Variants in CLDN10 observed in about 807,000 individuals in gnomAD.
CLDN10 encodes the protein claudin 10, also known as claudin-10.
CLDN10 carries 15 observed loss-of-function variants against 22.9 expected under a neutral mutation model. That is an observed-to-expected ratio of 0.65 (90% confidence interval 0.44 to 1.01). CLDN10 has a LOEUF of 1.01. Ranked by LOEUF, CLDN10 falls within the 50% of genes least tolerant of loss-of-function variation. CLDN10 has a pLI of 0.00. For missense variants in CLDN10, 247 were observed against 287.8 expected (o/e 0.86, Z 1.03); for synonymous variants, 114 against 111.4 (o/e 1.02, Z -0.15).
chr13:95,487,781 C>T (rs1227790657), intron 1 of CLDN10, among the ~76,000 whole-genome samples: 1 of 147,966 alleles, frequency 6.8e-6, no homozygotes, highest in Non-Finnish European at 1.5e-5. Context: ...TTCAAATGAC[C>T]CTCCCACCTC....
At chr13:95,515,481 A>G (rs1238861905) in intron 1 of CLDN10, among the ~76,000 whole-genome samples, 1 of 152,172 alleles carries the variant, frequency 6.6e-6, no homozygotes, top group Admixed American at 6.5e-5. Context: ...TTTAAGACAG[A>G]AAGATGTTAC....
intron 1 of CLDN10, among the ~76,000 whole-genome samples, chr13:95,544,983 G>A (rs1386530398): frequency 6.6e-6 from 1 of 151,552 alleles, no homozygotes; most frequent in Non-Finnish European, 1.5e-5. Context: ...TCACCGTGTT[G>A]GCCAAGCTGG....
chr13:95,509,291 T>C (rs567370163), intron 1 of CLDN10, among the ~76,000 whole-genome samples: 6 of 152,196 alleles, frequency 3.9e-5, no homozygotes, highest in Non-Finnish European at 8.8e-5. Flanking sequence ...AATAAGAGAC[T>C]GTGAATATGG....
chr13:95,433,873 G>T lies in CLDN10; in HGVS notation c.40G>T (p.Gly14Ter), dbSNP rs2042236887. The stretch of plus-strand genomic sequence containing the variant: ...GATCTGGGCTCTGGTGTCTGGTGTC[G>T]GAGGGTTTGGAGCTCTCGTTGCTGC... Residue 14 changes from glycine (G) to a stop codon, truncating the protein, a stop_gained, in exon 1 of 5, where the codon GGA (glycine) becomes TGA (stop). Transcript: ENST00000376873. LOFTEE classifies it high-confidence loss of function. 6.2e-7 allele frequency: 1 copy of T among 1,614,046 alleles called. No homozygotes were observed. The highest frequency in any genetic ancestry group is 1.1e-5 in the South Asian group (1 of 91,084).
intron 1 of CLDN10, among the ~76,000 whole-genome samples, chr13:95,490,706 A>G (rs541191921): frequency 2.6e-5 from 4 of 152,280 alleles, no homozygotes; most frequent in Admixed American, 2.6e-4. Flanking sequence ...TCTTGGAGAA[A>G]GTTCCATGCT....
chr13:95,565,482 G>A (rs1048160958), intron 3 of CLDN10, among the ~76,000 whole-genome samples: 20 of 151,972 alleles, frequency 1.3e-4, no homozygotes, highest in Non-Finnish European at 2.8e-4. Context: ...CATCCTCTAG[G>A]CTTATTTCCA....
chr13:95,483,833 A>G (rs6492796), intron 1 of CLDN10, among the ~76,000 whole-genome samples: 90,076 of 152,054 alleles, frequency 0.59, 27,907 homozygotes, highest in African/African-American at 0.78. Context: ...GTGTCCCTCC[A>G]AAACTCGTAT....
intron 1 of CLDN10, among the ~76,000 whole-genome samples, chr13:95,532,780 A>G (rs2043357412): frequency 2.8e-5 from 4 of 142,804 alleles, no homozygotes; most frequent in Admixed American, 7.3e-5. Flanking sequence ...CAGATACTGG[A>G]ACTCAATTCA....
At position 95,552,732 on chromosome 13, in the gene CLDN10, G is replaced by T. The variant is rs780592692; in HGVS notation, c.-22G>T. ...CGGCGCAGAGTGGGAGCCGGAGAGC[G>T]AGCGCGGCTGCAGCCGGCGGCATGG... On this transcript the variant is annotated 5_prime_UTR_variant, in exon 1 of 5. Coordinates refer to ENST00000299339, the MANE Select transcript of CLDN10 (RefSeq NM_006984.5). The T allele has an allele frequency of 3.1e-6, 5 of 1,600,148 alleles. No individual in the cohort carries two copies. The highest frequency in any genetic ancestry group is 1.9e-4 in the Middle Eastern group (1 of 5,324).
intron 1 of CLDN10, among the ~76,000 whole-genome samples, chr13:95,535,847 G>T (rs1027240561): frequency 2.0e-5 from 3 of 152,110 alleles, no homozygotes; most frequent in Non-Finnish European, 4.4e-5. Context: ...GCAAGAATGG[G>T]GCTATGGAAG....
At chr13:95,546,656 G>T (rs1160457991) in intron 1 of CLDN10, among the ~76,000 whole-genome samples, 1 of 152,130 alleles carries the variant, frequency 6.6e-6, no homozygotes, top group Non-Finnish European at 1.5e-5. Context: ...GAGTAGTTTG[G>T]AATAAACTTT....
chr13:95,467,835 T>A (rs551786838), intron 1 of CLDN10, among the ~76,000 whole-genome samples: 32 of 152,260 alleles, frequency 2.1e-4, no homozygotes, highest in Non-Finnish European at 3.5e-4. Flanking sequence ...GCCAGCAGGC[T>A]CAAAACTCAG....
At chr13:95,553,112 C>T (rs925493595) in intron 1 of CLDN10, 139 bp downstream of exon 1, 6 of 1,203,336 alleles carry the variant, frequency 5.0e-6, no homozygotes, top group South Asian at 1.5e-5. Context: ...CCCAACAGGG[C>T]CTTAGGGAGC....
intron 1 of CLDN10, among the ~76,000 whole-genome samples, chr13:95,455,317 A>AT (rs1249602719): frequency 2.0e-5 from 3 of 152,188 alleles, no homozygotes; most frequent in East Asian, 3.8e-4. Context: ...CAAAAAAGTG[A>AT]TTTTGTTAGG....
chr13:95,447,548 C>T (rs984005081), intron 1 of CLDN10, among the ~76,000 whole-genome samples: 1 of 152,166 alleles, frequency 6.6e-6, no homozygotes, highest in Non-Finnish European at 1.5e-5. Flanking sequence ...TCAGTTCTGA[C>T]CCAGTGCCTG....
chr13:95,541,534 C>A (rs191548666), intron 1 of CLDN10, among the ~76,000 whole-genome samples: 1 of 152,230 alleles, frequency 6.6e-6, no homozygotes, highest in African/African-American at 2.4e-5. Flanking sequence ...TCTTGTTTTT[C>A]CTTTGTTTGC....
chr13:95,466,302 G>A (rs7999180), intron 1 of CLDN10, among the ~76,000 whole-genome samples: 118,552 of 151,774 alleles, frequency 0.78, 47,483 homozygotes, highest in East Asian at 0.99. Context: ...TGCTTTTGGT[G>A]TTGGGGTAAT....
chr13:95,531,638 C>G (rs1566320845), intron 1 of CLDN10, among the ~76,000 whole-genome samples: 1 of 151,884 alleles, frequency 6.6e-6, no homozygotes, highest in Middle Eastern at 3.4e-3. Context: ...TCAAGCGATT[C>G]TTCTACCTCC....
At chr13:95,524,865 AT>A (rs1193360903) in intron 1 of CLDN10, among the ~76,000 whole-genome samples, 20 of 130,758 alleles carry the variant, frequency 1.5e-4, no homozygotes, top group Admixed American at 2.2e-4. Context: ...ATTTATTTTT[AT>A]TTTTTTTTTT....
Sources: gnomAD v4.1 joint callset for allele counts (sites outside exome capture counted in the v4.1 genomes callset) on GRCh38, gnomAD v4.1.1 for gene constraint, MANE v1.5 for transcripts, NCBI Gene and HGNC (gene_info 2026-07-23, HGNC 2026-07-21) for gene names.